The following TMEM220 variants were observed in gnomAD, a reference collection of about 807,000 sequenced individuals.
TMEM220 encodes transmembrane protein 220.
Under a neutral mutation model 21.7 loss-of-function variants are expected in TMEM220, and 21 were observed. The ratio of observed to expected loss-of-function variants is 0.97; its 90% confidence interval spans 0.69 to 1.39. The LOEUF is 1.39. Among genes scored for constraint, TMEM220 ranks in the 40% most tolerant of loss-of-function variants. TMEM220 has a pLI of 0.00. For synonymous variants in TMEM220, 80 were observed against 73.6 expected (o/e 1.09, Z -0.45); for missense variants, 191 against 201.9 (o/e 0.95, Z 0.33).
At position 10,713,854 on chromosome 17, in the gene TMEM220, C is replaced by T. The variant is rs1013472719; in HGVS notation, c.*1599G>A. The T allele has an allele frequency of 1.3e-5, 2 of 152,014 alleles. No individual in the cohort carries two copies. The highest frequency in any genetic ancestry group is 4.8e-5 in the African/African-American group (2 of 41,390). The allele number at this position is 152,014 out of a possible 1,614,324, so 9.4% of individuals were successfully genotyped here. ...AGAATATTTACTATAGTAATAAAGACAATAAAAATAGACAAACTACCAGAC... is the reference window on the plus strand; with the variant it reads ...AGAATATTTACTATAGTAATAAAGATAATAAAAATAGACAAACTACCAGAC... On this transcript the variant is annotated 3_prime_UTR_variant, in exon 6 of 6. Transcript: ENST00000341871.
At chr17:10,722,703 T>C (rs1597529706) in intron 5 of TMEM220, among the ~76,000 whole-genome samples, 1 of 152,328 alleles carries the variant, frequency 6.6e-6, no homozygotes, top group East Asian at 1.9e-4. Flanking sequence ...GCACTTATAT[T>C]GTCTTTGCTC....
intron 1 of TMEM220, 148 bp downstream of exon 1, chr17:10,729,632 G>A (rs1727598953): frequency 1.7e-6 from 1 of 596,176 alleles, no homozygotes; most frequent in African/African-American, 1.9e-5. Context: ...GAGAAAGTGG[G>A]GGCTCCCCAA....
Position 10,715,415 on chromosome 17 carries a change from G to A in TMEM220, c.*38C>T. On this transcript the variant is annotated 3_prime_UTR_variant, in exon 6 of 6. Coordinates refer to ENST00000341871, the MANE Select transcript of TMEM220 (RefSeq NM_001004313.3). Reference sequence around the variant, plus strand: ...CCCTAATGTTTATAAAAAATTGATTGAAAATATTCATTTTAAAAACGAAGT... The same window carrying A: ...CCCTAATGTTTATAAAAAATTGATTAAAAATATTCATTTTAAAAACGAAGT... 1 of 1,560,484 alleles carries A rather than the reference G, an allele frequency of 6.4e-7. No homozygotes were observed. Among genetic ancestry groups the A allele is most frequent in the Non-Finnish European group, 8.6e-7 (1 of 1,158,592 alleles).
chr17:10,725,043 T>A lies in TMEM220; in HGVS notation c.255A>T (p.Thr85=), dbSNP rs1257293723. 3 of 1,614,068 alleles carry A rather than the reference T, an allele frequency of 1.9e-6. No individual in the cohort carries two copies. In the East Asian group the frequency reaches 6.7e-5, roughly 36 times the overall value. ...VGLASYLLHR[T]QQNILHEEEG... is the part of the protein sequence containing the mutation. ...CTTCCTCATGTAAGATGTTCTGTTG[T>A]GTACGATGCAAGAGGTAGGACGCCA... The change falls in exon 4 of 6, where the codon ACA becomes ACT. Residue 85 remains threonine (T), a synonymous_variant. Transcript: ENST00000341871.
intron 5 of TMEM220, chr17:10,716,620 G>T: frequency 2.5e-5 from 10 of 395,238 alleles, no homozygotes; most frequent in Admixed American, 7.3e-5. Flanking sequence ...TGATCCCCTT[G>T]GAATTGATTT....
intron 4 of TMEM220, 101 bp downstream of exon 4, chr17:10,724,910 G>T: frequency 6.7e-7 from 1 of 1,502,198 alleles, no homozygotes; most frequent in South Asian, 1.2e-5. Flanking sequence ...GTACACTGGG[G>T]GAATTCAGTT....
intron 5 of TMEM220, chr17:10,716,334 C>A: frequency 4.6e-6 from 3 of 646,774 alleles, no homozygotes; most frequent in Non-Finnish European, 9.0e-6. Flanking sequence ...TTATACTCTT[C>A]AGTTCCTCCA....
chr17:10,728,999 C>A, intron 2 of TMEM220, 32 bp downstream of exon 2: 1 of 1,613,310 alleles, frequency 6.2e-7, no homozygotes, highest in Non-Finnish European at 8.5e-7. Context: ...TTCTTCCAAA[C>A]GGAGGAAAGC....
chr17:10,716,426 G>A (rs534201030), intron 5 of TMEM220: 12 of 655,058 alleles, frequency 1.8e-5, no homozygotes, highest in South Asian at 8.1e-5. Flanking sequence ...TTAATTTCCC[G>A]TCCGGTCAGA....
rs5819281 is a variant in TMEM220 at position 10,714,919 on chromosome 17, T to TAA, written c.*532_*533dup. ...CCTGGGCAATAGAGTGGGACTGTCT[T>TAA]AAAAAAAAAAAAAGATCGGGGTATA... On this transcript the variant is annotated 3_prime_UTR_variant, in exon 6 of 6. Coordinates refer to ENST00000341871, the MANE Select transcript of TMEM220 (RefSeq NM_001004313.3). 70,007 of 147,518 alleles carry TAA rather than the reference T, an allele frequency of 0.47. 16,768 individuals are homozygous for TAA. The highest frequency in any genetic ancestry group is 0.58 in the African/African-American group (23,209 of 40,236). 9.1% of individuals were successfully genotyped at this position (147,518 alleles called of 1,614,324 possible). A position where few individuals can be genotyped will look rare whatever the true frequency, so the allele number is the denominator to read the frequency against.
intron 5 of TMEM220, among the ~76,000 whole-genome samples, chr17:10,721,306 C>T (rs1005146364): frequency 7.9e-5 from 12 of 152,110 alleles, no homozygotes; most frequent in Non-Finnish European, 1.3e-4. Flanking sequence ...CGGACTGAAA[C>T]ACATTAAATA....
chr17:10,717,439 CTT>C (rs1481799158), intron 5 of TMEM220, among the ~76,000 whole-genome samples: 12 of 152,140 alleles, frequency 7.9e-5, no homozygotes, highest in Admixed American at 2.0e-4. Context: ...AGTTTATTCT[CTT>C]ATTTCATTCC....
At chr17:10,728,298 TTC>T (rs1358204015) in intron 2 of TMEM220, among the ~76,000 whole-genome samples, 8 of 147,402 alleles carry the variant, frequency 5.4e-5, no homozygotes, top group African/African-American at 1.5e-4. Flanking sequence ...CTTTTTTTTT[TTC>T]TTTTTTTTCT....
At position 10,715,605 on chromosome 17, in the gene TMEM220, A is replaced by T. The variant is rs1409398372; in HGVS notation, c.348-17T>A. ...ACTGGATTCCTATAAAGACACAAAA[A>T]TTATTATAAATAAAAATCATGGATT... On this transcript the variant is annotated splice_polypyrimidine_tract_variant and intron_variant, in intron 5 of 5. Transcript: ENST00000341871. 27 of 1,545,158 alleles carry T rather than the reference A, an allele frequency of 1.7e-5. No individual in the cohort carries two copies. The highest frequency in any genetic ancestry group is 2.3e-5 in the Non-Finnish European group (27 of 1,154,326).
chr17:10,719,190 A>C (rs1388827478), intron 5 of TMEM220, among the ~76,000 whole-genome samples: 1 of 152,230 alleles, frequency 6.6e-6, no homozygotes, highest in Non-Finnish European at 1.5e-5. Context: ...TGTTGAGATA[A>C]CCAGATAGCC....
At chr17:10,712,152 C>T (rs369167), downstream of TMEM220, among the ~76,000 whole-genome samples, 1 of 151,990 alleles carries the variant, frequency 6.6e-6, no homozygotes, top group East Asian at 1.9e-4. Flanking sequence ...GGGTCTAGGA[C>T]GAATCCTTTT....
chr17:10,723,931 T>C (rs375689648), intron 4 of TMEM220, among the ~76,000 whole-genome samples: 31 of 152,218 alleles, frequency 2.0e-4, no homozygotes, highest in Non-Finnish European at 3.7e-4. Flanking sequence ...ATAATACCAC[T>C]AGAAGCCCCA....
In TMEM220 at chr17:10,729,810, G is replaced by T; in HGVS notation, c.42C>A (p.Ala14=). 1 of 1,409,008 alleles carries T rather than the reference G, an allele frequency of 7.1e-7. No homozygotes were observed. The highest frequency in any genetic ancestry group is 9.3e-7 in the Non-Finnish European group (1 of 1,073,956). 87.3% of individuals were successfully genotyped at this position (1,409,008 alleles called of 1,614,324 possible). Reference sequence around the variant, plus strand: ...CCAAGGCCGCCAGCGCGAAGAAGGCGGCCATGAGTCCGTTGCAGGCCCGCC... The same window carrying T: ...CCAAGGCCGCCAGCGCGAAGAAGGCTGCCATGAGTCCGTTGCAGGCCCGCC... ...ALWRACNGLM[A]AFFALAALVQ... is the part of the protein sequence containing the mutation. Residue 14 remains alanine, a synonymous_variant, in exon 1 of 6, where the codon GCC becomes GCA. Coordinates refer to ENST00000341871, the MANE Select transcript of TMEM220 (RefSeq NM_001004313.3).
chr17:10,726,216 G>A lies in TMEM220; in HGVS notation c.151C>T (p.Pro51Ser), dbSNP rs2075046954. 14 of 1,613,842 alleles carry A rather than the reference G, an allele frequency of 8.7e-6. No homozygotes were observed. Among genetic ancestry groups the A allele is most frequent in the Non-Finnish European group, 1.2e-5 (14 of 1,179,796 alleles). Reference sequence around the variant, plus strand: ...GCAAGGCTTATACCTGTGACTTCAGGGTTAAGTCCAACAAGCAGGGTCAGT... The same window carrying A: ...GCAAGGCTTATACCTGTGACTTCAGAGTTAAGTCCAACAAGCAGGGTCAGT... Reference protein sequence around the residue: ...AVLTLLVGLNPEVTGNVIWKS... With the variant: ...AVLTLLVGLNSEVTGNVIWKS... Residue 51 changes from proline (P) to serine (S), a missense_variant, in exon 3 of 6, where the codon CCT becomes TCT. Physicochemically the swap from Pro to Ser is moderately conservative, Grantham distance 74 (BLOSUM62 -1). Coordinates refer to ENST00000341871, the MANE Select transcript of TMEM220 (RefSeq NM_001004313.3).
Sources: allele counts gnomAD v4.1 joint callset (sites outside exome capture counted in the v4.1 genomes callset), GRCh38; gene constraint gnomAD v4.1.1; transcripts MANE v1.5; gene names NCBI Gene and HGNC (gene_info 2026-07-23, HGNC 2026-07-21).